The following ZSWIM7 variants were observed in gnomAD, a reference collection of about 807,000 sequenced individuals.
ZSWIM7 encodes the protein zinc finger SWIM-type containing 7, also known as zinc finger SWIM domain-containing protein 7.
ZSWIM7 carries 22 observed loss-of-function variants against 21.1 expected under a neutral mutation model. The ratio of observed to expected loss-of-function variants is 1.04; its 90% CI spans 0.74 to 1.49. The LOEUF (loss-of-function observed/expected upper bound fraction) is 1.49. Among genes scored for constraint, ZSWIM7 ranks in the 40% most tolerant of loss-of-function variants. The pLI is 0.00. For missense variants in ZSWIM7, 193 were observed against 168.0 expected (o/e 1.15, Z -0.82); for synonymous variants, 67 against 66.5 (o/e 1.01, Z -0.04).
In ZSWIM7 at chr17:15,977,128, T is replaced by C. The variant is rs1970287147; in HGVS notation, c.*919A>G. ...GATCAGAAGTGCAGAGTGAAACCAG[T>C]TCTTCCCTTGTTCTCGATACTAACT... On this transcript the variant is annotated 3_prime_UTR_variant, in exon 5 of 5. Coordinates refer to ENST00000399277, the MANE Select transcript of ZSWIM7 (RefSeq NM_001042697.2). 6.6e-6 allele frequency: 1 copy of C among 152,198 alleles called. No individual in the cohort carries two copies. Among genetic ancestry groups the C allele is most frequent in the African/African-American group, 2.4e-5 (1 of 41,446 alleles). 9.4% of individuals were successfully genotyped at this position (152,198 alleles called of 1,614,324 possible). A position where few individuals can be genotyped will look rare whatever the true frequency, so the allele number is the denominator to read the frequency against.
In ZSWIM7 at chr17:15,978,221, T is replaced by G. The variant is rs990215196; in HGVS notation, c.307-58A>C. 1.3e-5 allele frequency: 16 copies of G among 1,257,306 alleles called. No individual in the cohort carries two copies. The African/African-American group carries it at 1.8e-4, about 14-fold the overall frequency. 77.9% of individuals were successfully genotyped at this position (1,257,306 alleles called of 1,614,324 possible). On this transcript the variant is annotated intron_variant, in intron 4 of 4. Transcript: ENST00000399277. Reference sequence around the variant, plus strand: ...CAGGCAGGGCCAGGGCTGGCCAGTCTAACCAAGATTTCTCATTACCATCTT... The same window carrying G: ...CAGGCAGGGCCAGGGCTGGCCAGTCGAACCAAGATTTCTCATTACCATCTT...
In ZSWIM7 at chr17:15,976,926, GTAT is replaced by G. The variant is rs1251724080; in HGVS notation, c.*1118_*1120del. 3 of 151,738 alleles carry G rather than the reference GTAT, an allele frequency of 2.0e-5. No individual in the cohort carries two copies. Among genetic ancestry groups the G allele is most frequent in the Non-Finnish European group, 2.9e-5 (2 of 67,950 alleles). The allele number at this position is 151,738 out of a possible 1,614,324, so 9.4% of individuals were successfully genotyped here. A position where few individuals can be genotyped will look rare whatever the true frequency, so the allele number is the denominator to read the frequency against. On this transcript the variant is annotated 3_prime_UTR_variant, in exon 5 of 5. Coordinates refer to ENST00000399277, the MANE Select transcript of ZSWIM7 (RefSeq NM_001042697.2). ...AAATTGATTTCATTTTCATCTTCAC[GTAT>G]TATTGCTTCTTTGCTCTCTCGGTGT...
intron 4 of ZSWIM7, 39 bp from the exon 5 acceptor site, chr17:15,978,202 G>C (rs1970303212): frequency 6.6e-7 from 1 of 1,522,682 alleles, no homozygotes. Flanking sequence ...GAAACAGGCA[G>C]GGCCAGGGCT....
At chr17:15,999,061 T>C (rs1188685185) in intron 1 of ZSWIM7, among the ~76,000 whole-genome samples, 1 of 152,188 alleles carries the variant, frequency 6.6e-6, no homozygotes, top group Non-Finnish European at 1.5e-5. Context: ...GGGCCTACTT[T>C]TTAAAGTGTA....
chr17:15,991,918 GTT>G (rs529521274), intron 2 of ZSWIM7, among the ~76,000 whole-genome samples: 4 of 65,382 alleles, frequency 6.1e-5, no homozygotes, highest in African/African-American at 1.1e-4. Flanking sequence ...TTTTTTGTTT[GTT>G]TTGTTTTGTT....
intron 2 of ZSWIM7, among the ~76,000 whole-genome samples, chr17:15,992,231 T>A (rs1433959686): frequency 6.6e-6 from 1 of 151,762 alleles, no homozygotes; most frequent in Non-Finnish European, 1.5e-5. Flanking sequence ...CTGGCCAGGA[T>A]TTTTAAATGT....
chr17:15,979,946 C>T (rs1232691667), intron 4 of ZSWIM7, among the ~76,000 whole-genome samples: 3 of 124,486 alleles, frequency 2.4e-5, no homozygotes, highest in African/African-American at 6.7e-5. Context: ...GGCGGCTGGC[C>T]GGGCAGAGGG....
At chr17:15,993,343 TTTTATTTTA>T (rs1254518052) in intron 2 of ZSWIM7, among the ~76,000 whole-genome samples, 3 of 133,218 alleles carry the variant, frequency 2.3e-5, no homozygotes, top group African/African-American at 8.5e-5. Flanking sequence ...TATTTTTATT[TTTTATTTTA>T]TTTATTTATT....
intron 2 of ZSWIM7, among the ~76,000 whole-genome samples, chr17:15,988,337 T>C (rs1299019595): frequency 6.6e-6 from 1 of 152,228 alleles, no homozygotes; most frequent in East Asian, 1.9e-4. Flanking sequence ...TATTCCATTA[T>C]ATGTATACAC....
chr17:15,999,383 A>C, intron 1 of ZSWIM7, 136 bp downstream of exon 1: 1 of 1,125,640 alleles, frequency 8.9e-7, no homozygotes, highest in Non-Finnish European at 1.3e-6. Flanking sequence ...CTTTTTACGA[A>C]CAAGAGGTTT....
chr17:15,999,129 C>G (rs1332176926), intron 1 of ZSWIM7, among the ~76,000 whole-genome samples: 1 of 152,108 alleles, frequency 6.6e-6, no homozygotes, highest in Non-Finnish European at 1.5e-5. Context: ...TTTAATAATT[C>G]AAAATTTCGT....
At chr17:15,990,630 T>G (rs1430418912) in intron 2 of ZSWIM7, among the ~76,000 whole-genome samples, 1 of 152,200 alleles carries the variant, frequency 6.6e-6, no homozygotes, top group Non-Finnish European at 1.5e-5. Flanking sequence ...AGAACTTATA[T>G]GACTTAACAC....
intron 3 of ZSWIM7, chr17:15,986,854 G>A (rs1970418111): frequency 1.3e-5 from 2 of 153,022 alleles, no homozygotes; most frequent in Non-Finnish European, 2.9e-5. Context: ...GAACCTAGGA[G>A]TTTGAGACCA....
In ZSWIM7 at chr17:15,999,675, AC is replaced by A. The variant is rs765534138; in HGVS notation, c.-82del. 5.1e-6 allele frequency: 8 copies of A among 1,555,116 alleles called. No homozygotes were observed. In the Admixed American group the frequency reaches 5.7e-5, roughly 11 times the overall value. ...CTGCGCCTACCTGTGGAGGATCCTG[AC>A]CCCCCGCCGGGGCAGGGCGAGACGG... On this transcript the variant is annotated 5_prime_UTR_variant, in exon 1 of 5. Coordinates refer to ENST00000399277, the MANE Select transcript of ZSWIM7 (RefSeq NM_001042697.2).
chr17:15,996,865 A>T (rs1328209628), intron 1 of ZSWIM7, among the ~76,000 whole-genome samples: 20 of 151,838 alleles, frequency 1.3e-4, no homozygotes, highest in African/African-American at 4.8e-4. Context: ...AAAAAAAAAA[A>T]AATTTTACAT....
chr17:15,996,130 T>G (rs572262955), intron 1 of ZSWIM7, among the ~76,000 whole-genome samples: 1 of 152,160 alleles, frequency 6.6e-6, no homozygotes, highest in Non-Finnish European at 1.5e-5. Context: ...ACATTTAGTA[T>G]CTCTACTAAA....
intron 3 of ZSWIM7, among the ~76,000 whole-genome samples, chr17:15,983,129 G>T (rs1212996464): frequency 6.6e-6 from 1 of 151,880 alleles, no homozygotes; most frequent in Non-Finnish European, 1.5e-5. Context: ...GGTGGATCAT[G>T]AGGTCAGGAG....
chr17:15,989,050 A>G (rs1376789213), intron 2 of ZSWIM7, among the ~76,000 whole-genome samples: 1 of 152,072 alleles, frequency 6.6e-6, no homozygotes, highest in African/African-American at 2.4e-5. Context: ...ACAAACAGAA[A>G]AACCAACTTC....
intron 3 of ZSWIM7, among the ~76,000 whole-genome samples, chr17:15,983,520 A>G (rs1276327577): frequency 6.6e-6 from 1 of 151,952 alleles, no homozygotes; most frequent in Non-Finnish European, 1.5e-5. Context: ...CACTGAAGGA[A>G]GAGCATTAAA....
Sources: gnomAD v4.1 joint callset for allele counts (sites outside exome capture counted in the v4.1 genomes callset) on GRCh38, gnomAD v4.1.1 for gene constraint, MANE v1.5 for transcripts, NCBI Gene and HGNC (gene_info 2026-07-23, HGNC 2026-07-21) for gene names.